GLI2: variants seen among roughly 807,000 people sequenced by gnomAD.
GLI2 encodes GLI family zinc finger 2.
Under a neutral mutation model 78.9 loss-of-function variants are expected in GLI2, and 22 were observed. The observed-to-expected ratio is 0.28, with a 90% CI of 0.20 to 0.40. GLI2 has a LOEUF of 0.40. GLI2 is among the 10% of genes least tolerant of loss of function. The pLI, the probability that GLI2 is intolerant of heterozygous loss-of-function variation, is 1.00. For missense variants in GLI2, 2,097 were observed against 2,213.2 expected, an observed-to-expected ratio of 0.95 and a Z score of 1.05; for synonymous variants, 974 against 963.7, an observed-to-expected ratio of 1.01 and a Z score of -0.20.
intron 1 of GLI2, among the ~76,000 whole-genome samples, chr2:120,740,724 TTCTTC>T (rs756930857): frequency 9.2e-5 from 14 of 152,248 alleles, no homozygotes; most frequent in Non-Finnish European, 2.1e-4. Context: ...TGATTATGTT[TTCTTC>T]TCTACAAATC....
chr2:120,791,282 A>C (rs1256103389), intron 1 of GLI2, among the ~76,000 whole-genome samples: 2 of 152,140 alleles, frequency 1.3e-5, no homozygotes, highest in Non-Finnish European at 2.9e-5. Flanking sequence ...GTGGGGACTG[A>C]CCTGAGGAGT....
At chr2:120,822,828 G>A (rs547200339) in intron 2 of GLI2, among the ~76,000 whole-genome samples, 9 of 152,196 alleles carry the variant, frequency 5.9e-5, no homozygotes, top group South Asian at 2.1e-4. Flanking sequence ...GAAATGGTAC[G>A]AATGCAACCC....
At chr2:120,884,171 G>A (rs894402687) in intron 2 of GLI2, among the ~76,000 whole-genome samples, 3 of 152,190 alleles carry the variant, frequency 2.0e-5, no homozygotes, top group Admixed American at 6.5e-5. Flanking sequence ...GGGAGAGAGC[G>A]CCCATCCTTG....
At chr2:120,983,568 G>A (rs753574193) in intron 11 of GLI2, among the ~76,000 whole-genome samples, 1 of 152,178 alleles carries the variant, frequency 6.6e-6, no homozygotes, top group Non-Finnish European at 1.5e-5. Context: ...AGCTGTTAGC[G>A]CTGCCTGGGC....
chr2:120,770,481 A>T (rs1683490880), intron 1 of GLI2, among the ~76,000 whole-genome samples: 2 of 152,152 alleles, frequency 1.3e-5, no homozygotes, highest in African/African-American at 4.8e-5. Context: ...GCATCAGGGG[A>T]CCCAGGAGCT....
At chr2:120,841,450 T>C (rs562199398) in intron 2 of GLI2, among the ~76,000 whole-genome samples, 90 of 152,322 alleles carry the variant, frequency 5.9e-4, no homozygotes, top group African/African-American at 2.0e-3. Flanking sequence ...TGCAGGACAC[T>C]TGACCATTTT....
intron 1 of GLI2, among the ~76,000 whole-genome samples, chr2:120,791,824 G>A (rs1275540288): frequency 3.3e-5 from 5 of 152,012 alleles, no homozygotes; most frequent in East Asian, 1.9e-4. Context: ...ACTTTAATGC[G>A]GTGTGCACGT....
intron 1 of GLI2, among the ~76,000 whole-genome samples, chr2:120,794,415 G>A (rs1684289408): frequency 6.6e-6 from 1 of 152,182 alleles, no homozygotes; most frequent in African/African-American, 2.4e-5. Flanking sequence ...AGGCCAAGGG[G>A]CTCAGCAGGG....
intron 1 of GLI2, among the ~76,000 whole-genome samples, chr2:120,791,489 T>C (rs1438868817): frequency 1.3e-5 from 2 of 152,222 alleles, no homozygotes; most frequent in Admixed American, 6.5e-5. Flanking sequence ...TGTCATGAGG[T>C]TAGAATGACG....
chr2:120,915,740 A>C (rs1191372519), intron 2 of GLI2, among the ~76,000 whole-genome samples: 1 of 152,096 alleles, frequency 6.6e-6, no homozygotes, highest in Non-Finnish European at 1.5e-5. Context: ...CAAGGGGAGA[A>C]AGTCCCTGGC....
In GLI2 at chr2:120,988,529, G is replaced by C; in HGVS notation, c.2564G>C (p.Cys855Ser). Residue 855 changes from cysteine to serine, a missense_variant, in exon 14 of 14, where the codon TGC (cysteine) becomes TCC (serine). Physicochemically the swap from Cys to Ser is moderately radical, Grantham distance 112. Transcript: ENST00000361492. ...ASRRSSEASQCSGGSGLLNLT... is the reference protein window; with the variant it reads ...ASRRSSEASQSSGGSGLLNLT... ...CGGCGCTCGAGCGAGGCCAGCCAGT[G>C]CAGCGGCGGCTCCGGGCTGCTCAAC... 2 of 1,511,692 alleles carry C rather than the reference G, an allele frequency of 1.3e-6. No individual in the cohort carries two copies. The highest frequency in any genetic ancestry group is 1.8e-6 in the Non-Finnish European group (2 of 1,137,406). 93.6% of individuals were successfully genotyped at this position (1,511,692 alleles called of 1,614,324 possible). A position where few individuals can be genotyped will look rare whatever the true frequency, so the allele number is the denominator to read the frequency against.
Position 120,822,642 on chromosome 2 carries a change from C to T in GLI2, c.148+25174C>T, listed in dbSNP as rs80295104. On this transcript the variant is annotated intron_variant, in intron 2 of 13. Transcript: ENST00000361492. ...CCAATGAACATATCATTATGTTCTT[C>T]CCTGATTCCACCTCCCAAGGATGAC... is the stretch of plus-strand genomic sequence containing the variant. Among the ~76,000 whole-genome samples the T allele has an allele frequency of 4.6e-3, 706 of 152,278 alleles. 2 individuals are homozygous for T. The highest frequency in any genetic ancestry group is 0.016 in the African/African-American group (664 of 41,544).
intron 1 of GLI2, among the ~76,000 whole-genome samples, chr2:120,786,915 C>T (rs748043307): frequency 2.0e-5 from 3 of 152,120 alleles, no homozygotes; most frequent in Non-Finnish European, 4.4e-5. Flanking sequence ...AGGGGATGCT[C>T]GGAGAAGAAG....
At chr2:120,970,357 C>T (rs759191267) in intron 6 of GLI2, 36 bp from the exon 7 acceptor site, 2 of 1,119,160 alleles carry the variant, frequency 1.8e-6, no homozygotes, top group Non-Finnish European at 2.7e-6. Flanking sequence ...GCTCCCGATC[C>T]CCCACCCCCA....
intron 1 of GLI2, among the ~76,000 whole-genome samples, chr2:120,780,201 C>A (rs760058632): frequency 8.5e-5 from 13 of 152,172 alleles, no homozygotes; most frequent in Non-Finnish European, 1.8e-4. Flanking sequence ...GCGTGCCACA[C>A]ACACTCATAA....
chr2:120,901,980 T>C (rs896990088), intron 2 of GLI2, among the ~76,000 whole-genome samples: 1 of 152,178 alleles, frequency 6.6e-6, no homozygotes, highest in East Asian at 1.9e-4. Context: ...GCCTTTTTTT[T>C]AATAAAAAGA....
intron 2 of GLI2, among the ~76,000 whole-genome samples, chr2:120,908,305 A>G (rs1342066675): frequency 1.3e-5 from 2 of 152,164 alleles, no homozygotes; most frequent in African/African-American, 2.4e-5. Context: ...TGGCATGGAC[A>G]TGGGTTTCAG....
At chr2:120,901,004 A>G (rs1678225125) in intron 2 of GLI2, among the ~76,000 whole-genome samples, 2 of 152,144 alleles carry the variant, frequency 1.3e-5, no homozygotes, top group South Asian at 4.1e-4. Context: ...GTTTGTTTGT[A>G]CCAGGGTATG....
chr2:120,771,502 C>T (rs1683520956), intron 1 of GLI2, among the ~76,000 whole-genome samples: 1 of 151,412 alleles, frequency 6.6e-6, no homozygotes, highest in Non-Finnish European at 1.5e-5. Flanking sequence ...AAAGGCCTTC[C>T]TTCTCAAAGA....
Sources: allele counts gnomAD v4.1 joint callset (sites outside exome capture counted in the v4.1 genomes callset), GRCh38; gene constraint gnomAD v4.1.1; transcripts MANE v1.5; gene names NCBI Gene and HGNC (gene_info 2026-07-23, HGNC 2026-07-21).